PSMD1: variants seen among roughly 807,000 people sequenced by gnomAD.
PSMD1 encodes the protein 26S proteasome non-ATPase regulatory subunit 1.
PSMD1 carries 18 observed loss-of-function variants against 119.0 expected under a neutral mutation model. The ratio of observed to expected loss-of-function variants is 0.15; its 90% CI spans 0.10 to 0.22. PSMD1 has a LOEUF of 0.22. Among genes scored for constraint, PSMD1 ranks in the 10% least tolerant of loss-of-function variants. The pLI is 1.00. For synonymous variants in PSMD1, 374 were observed against 396.6 expected, an observed-to-expected ratio of 0.94 and a Z score of 0.68; for missense variants, 702 against 1,158.5, an observed-to-expected ratio of 0.61 and a Z score of 5.72.
At chr2:231,168,374 T>C (rs1003194484) in intron 23 of PSMD1, among the ~76,000 whole-genome samples, 5 of 152,214 alleles carry the variant, frequency 3.3e-5, no homozygotes, top group African/African-American at 1.2e-4. Flanking sequence ...CATATCAGCA[T>C]GATTCATAAT....
chr2:231,059,115 C>T (rs1176525283), intron 1 of PSMD1, among the ~76,000 whole-genome samples: 12 of 152,108 alleles, frequency 7.9e-5, no homozygotes, highest in East Asian at 3.8e-4. Context: ...AAAGTAGAGG[C>T]GGAAAAAGCA....
Position 231,082,899 on chromosome 2 carries a change from G to A in PSMD1, c.1430G>A (p.Gly477Asp), listed in dbSNP as rs751375379. Residue 477 changes from glycine to aspartate, a missense_variant, in exon 13 of 25, where the codon GGC (glycine) becomes GAC (aspartate). By Grantham distance (94) the Gly-to-Asp change is moderately conservative (BLOSUM62 -1). This residue lies in a region of PSMD1 where 272 missense variants were observed against 511.6 expected (regional missense o/e 0.53). Coordinates refer to ENST00000308696, the MANE Select transcript of PSMD1 (RefSeq NM_002807.4). Reference sequence around the variant, plus strand: ...TTTCCTTAGATCGTTAGACACGGTGGCAGTCTGGGCCTTGGTTTGGCAGCC... The same window carrying A: ...TTTCCTTAGATCGTTAGACACGGTGACAGTCTGGGCCTTGGTTTGGCAGCC... ...NASNDIVRHG[G>D]SLGLGLAAMG... 6.8e-6 allele frequency: 11 copies of A among 1,613,676 alleles called. No individual in the cohort carries two copies. The highest frequency in any genetic ancestry group is 1.1e-5 in the South Asian group (1 of 91,076).
At chr2:231,074,052 G>T (rs1266775648) in intron 7 of PSMD1, among the ~76,000 whole-genome samples, 1 of 151,802 alleles carries the variant, frequency 6.6e-6, no homozygotes, top group Non-Finnish European at 1.5e-5. Flanking sequence ...TTACAGAAGT[G>T]ATAAGAGGCA....
intron 16 of PSMD1, chr2:231,109,253 TA>T (rs1416832570): frequency 6.2e-7 from 1 of 1,614,100 alleles, no homozygotes; most frequent in African/African-American, 1.3e-5. Context: ...AGTGAGAAAG[TA>T]GGTGACAATC....
At chr2:231,150,400 A>G (rs1001611064) in intron 18 of PSMD1, among the ~76,000 whole-genome samples, 3 of 151,930 alleles carry the variant, frequency 2.0e-5, no homozygotes, top group Non-Finnish European at 4.4e-5. Flanking sequence ...ACAGATATAT[A>G]TACACATATA....
intron 16 of PSMD1, among the ~76,000 whole-genome samples, chr2:231,125,965 A>G (rs139584540): frequency 1.3e-5 from 2 of 152,362 alleles, no homozygotes; most frequent in African/African-American, 4.8e-5. Flanking sequence ...TGAGCACTTC[A>G]GATTTTATTC....
chr2:231,161,594 T>A, intron 20 of PSMD1, 85 bp downstream of exon 20: 1 of 1,361,240 alleles, frequency 7.3e-7, no homozygotes. Context: ...AGGATTTCCA[T>A]TAAATTTTAA....
chr2:231,100,367 G>A (rs147457456), intron 16 of PSMD1, among the ~76,000 whole-genome samples: 3 of 152,280 alleles, frequency 2.0e-5, no homozygotes, highest in African/African-American at 7.2e-5. Flanking sequence ...TTCCCCTGTT[G>A]GCAAGGGTTA....
chr2:231,106,324 A>G (rs894924865), intron 16 of PSMD1, among the ~76,000 whole-genome samples: 20 of 152,208 alleles, frequency 1.3e-4, no homozygotes, highest in African/African-American at 4.8e-4. Flanking sequence ...TCTCTGGGTT[A>G]ATTGTAAGCA....
At chr2:231,077,805 T>C (rs1694204489) in intron 9 of PSMD1, among the ~76,000 whole-genome samples, 1 of 152,250 alleles carries the variant, frequency 6.6e-6, no homozygotes, top group Non-Finnish European at 1.5e-5. Context: ...CATTTTTTTA[T>C]AGCCATATAT....
At chr2:231,115,157 G>C (rs1210638754) in intron 16 of PSMD1, among the ~76,000 whole-genome samples, 1 of 151,692 alleles carries the variant, frequency 6.6e-6, no homozygotes, top group African/African-American at 2.4e-5. Flanking sequence ...AATTTAAGGA[G>C]CCTGGGGGTG....
At chr2:231,108,123 T>C (rs1163157242) in intron 16 of PSMD1, 8 of 235,892 alleles carry the variant, frequency 3.4e-5, no homozygotes, top group African/African-American at 1.6e-4. Context: ...TCATGCCTTA[T>C]GCTTTTAAGA....
At chr2:231,101,426 A>G (rs1559230325) in intron 16 of PSMD1, among the ~76,000 whole-genome samples, 1 of 152,164 alleles carries the variant, frequency 6.6e-6, no homozygotes, top group Non-Finnish European at 1.5e-5. Context: ...TCCTACAATC[A>G]CTTCCAAGAT....
chr2:231,171,853 G>A (rs11674175), intron 24 of PSMD1, among the ~76,000 whole-genome samples: 6,609 of 151,946 alleles, frequency 0.043, 227 homozygotes, highest in Non-Finnish European at 0.066. Context: ...ACCACGCCCG[G>A]CCAATTCATT....
At chr2:231,094,093 A>G (rs745570278) in intron 16 of PSMD1, among the ~76,000 whole-genome samples, 1 of 152,162 alleles carries the variant, frequency 6.6e-6, no homozygotes. Context: ...TCTGTTTGCC[A>G]TAACTGATTA....
At chr2:231,113,822 A>G in intron 16 of PSMD1, 4 of 1,614,146 alleles carry the variant, frequency 2.5e-6, no homozygotes, top group Non-Finnish European at 3.4e-6. Context: ...ATGGCTATGT[A>G]ACGATCCACT....
intron 4 of PSMD1, 108 bp from the exon 5 acceptor site, chr2:231,066,798 T>C: frequency 1.1e-6 from 1 of 883,608 alleles, no homozygotes; most frequent in Non-Finnish European, 1.7e-6. Context: ...ATTTGCTTAT[T>C]GCTTTATAGT....
chr2:231,144,326 A>C (rs1696202209), intron 17 of PSMD1, among the ~76,000 whole-genome samples: 1 of 146,084 alleles, frequency 6.8e-6, no homozygotes, highest in Non-Finnish European at 1.5e-5. Flanking sequence ...ATCCTGCCTC[A>C]CTGCAACCTC....
At chr2:231,135,281 A>G (rs1251956031) in intron 16 of PSMD1, among the ~76,000 whole-genome samples, 1 of 152,144 alleles carries the variant, frequency 6.6e-6, no homozygotes, top group Non-Finnish European at 1.5e-5. Flanking sequence ...AATGTTACTC[A>G]TTGAAGAAAA....
Sources: gnomAD v4.1 joint callset for allele counts (sites outside exome capture counted in the v4.1 genomes callset) on GRCh38, gnomAD v4.1.1 for gene constraint, gnomAD v4.1.1 regional missense constraint, MANE v1.5 for transcripts, NCBI Gene and HGNC (gene_info 2026-07-23, HGNC 2026-07-21) for gene names.